The following KDM1B variants were observed in gnomAD, a reference collection of about 807,000 sequenced individuals.
The protein encoded by KDM1B is lysine-specific histone demethylase 2.
Under a neutral mutation model 107.4 loss-of-function variants are expected in KDM1B, and 63 were observed. The ratio of observed to expected loss-of-function variants is 0.59; its 90% CI spans 0.48 to 0.72. KDM1B has a LOEUF of 0.72. Among genes scored for constraint, KDM1B ranks in the 30% least tolerant of loss-of-function variants. The pLI is 0.00. For missense variants in KDM1B, 749 were observed against 1,020.8 expected (o/e 0.73, Z 3.63); for synonymous variants, 363 against 363.9 (o/e 1.00, Z 0.03).
At position 18,197,067 on chromosome 6, in the gene KDM1B, C is replaced by T. The variant is rs1398760591; in HGVS notation, c.980C>T (p.Thr327Ile). 1.2e-6 allele frequency: 2 copies of T among 1,605,450 alleles called. No individual in the cohort carries two copies. The highest frequency in any genetic ancestry group is 1.7e-6 in the Non-Finnish European group (2 of 1,174,086). Reference sequence around the variant, plus strand: ...TATTTCCAAACACAGGAAGCTCTTACTCCTCAGAAATGTATTCCTCACATC... The same window carrying T: ...TATTTCCAAACACAGGAAGCTCTTATTCCTCAGAAATGTATTCCTCACATC... ...LWYTNCKEALTPQKCIPHIIV... is the reference protein window; with the variant it reads ...LWYTNCKEALIPQKCIPHIIV... Residue 327 changes from threonine to isoleucine, a missense_variant, in exon 11 of 22, where the codon ACT (threonine) becomes ATT (isoleucine). Transcript: ENST00000650836. This position sits in a 1 kb window ranked among gnomAD's most constrained non-coding sequence, Gnocchi z 4.5.
chr6:18,178,249 AT>A (rs67711903), intron 7 of KDM1B, among the ~76,000 whole-genome samples: 25,632 of 151,110 alleles, frequency 0.17, 2,294 homozygotes, highest in African/African-American at 0.21. Context: ...CGCCCAGCTA[AT>A]TTTTTTTACA....
Position 18,222,603 on chromosome 6 carries a change from C to G in KDM1B, c.*611C>G, listed in dbSNP as rs1213604836. 1 of 164,988 alleles carries G rather than the reference C, an allele frequency of 6.1e-6. No individual in the cohort carries two copies. Among genetic ancestry groups the G allele is most frequent in the Non-Finnish European group, 1.3e-5 (1 of 76,156 alleles). The allele number at this position is 164,988 out of a possible 1,614,324, so 10.2% of individuals were successfully genotyped here. A position where few individuals can be genotyped will look rare whatever the true frequency, so the allele number is the denominator to read the frequency against. Reference sequence around the variant, plus strand: ...TGGGTGTTCAAAAGAAATTTAAATTCAAGTACCTTTTGTGATAAAATGTTT... The same window carrying G: ...TGGGTGTTCAAAAGAAATTTAAATTGAAGTACCTTTTGTGATAAAATGTTT... On this transcript the variant is annotated 3_prime_UTR_variant, in exon 22 of 22. Transcript: ENST00000650836.
At position 18,159,954 on chromosome 6, in the gene KDM1B, G is replaced by A. The variant is rs746651247; in HGVS notation, c.59G>A (p.Ser20Asn). 1 of 1,608,752 alleles carries A rather than the reference G, an allele frequency of 6.2e-7. No homozygotes were observed. The highest frequency in any genetic ancestry group is 1.7e-5 in the Admixed American group (1 of 58,992). The change falls in exon 3 of 22, where the codon AGC becomes AAC. Residue 20 changes from serine to asparagine, a missense_variant. Transcript: ENST00000650836. The surrounding 1 kb of genome is among the most constrained non-coding windows in gnomAD (Gnocchi z 4.5). ...KKASFDHSPD[S>N]LPLRSSGRQA... Reference sequence around the variant, plus strand: ...GCATCTTTTGATCATTCTCCGGATAGCCTTCCTTTGAGGAGCTCCGGTAGG... The same window carrying A: ...GCATCTTTTGATCATTCTCCGGATAACCTTCCTTTGAGGAGCTCCGGTAGG...
intron 9 of KDM1B, among the ~76,000 whole-genome samples, chr6:18,190,699 G>A (rs188066428): frequency 7.0e-4 from 106 of 152,222 alleles, no homozygotes; most frequent in African/African-American, 2.4e-3. Flanking sequence ...CCAGTACCTT[G>A]AAACCAGCTT....
chr6:18,194,653 TA>T (rs1447139222), intron 10 of KDM1B, among the ~76,000 whole-genome samples: 1 of 152,090 alleles, frequency 6.6e-6, no homozygotes, highest in African/African-American at 2.4e-5. Context: ...AAATTTACCA[TA>T]TTTTTTTCCT....
At position 18,188,017 on chromosome 6, in the gene KDM1B, T is replaced by C. The variant is rs772901707; in HGVS notation, c.784+15T>C. ...CTCCGTGCACGGTGAGAGCCATTCC[T>C]GGGACTCCCTGCTTTCTATTCCCCG... On this transcript the variant is annotated intron_variant, in intron 9 of 21. Coordinates refer to ENST00000650836, the MANE Select transcript of KDM1B (RefSeq NM_001364614.2). 1.4e-5 allele frequency: 21 copies of C among 1,545,256 alleles called. No individual in the cohort carries two copies. The African/African-American group carries it at 2.7e-4, about 20-fold the overall frequency.
rs1426591806 is a variant in KDM1B, at chr6:18,211,784, T to C, written c.1867-704T>C. ...TTTAGTTTTAAAGCATCACCCTGAT[T>C]CTCAGAGGTTAGTGGGGCAGATACT... On this transcript the variant is annotated intron_variant, in intron 17 of 21. Coordinates refer to ENST00000650836, the MANE Select transcript of KDM1B (RefSeq NM_001364614.2). The surrounding 1 kb of genome is among the most constrained non-coding windows in gnomAD (Gnocchi z 5.2). 2 of 152,190 alleles carry C rather than the reference T, an allele frequency of 1.3e-5. No homozygotes were observed. The highest frequency in any genetic ancestry group is 2.9e-5 in the Non-Finnish European group (2 of 68,060). 9.4% of individuals were successfully genotyped at this position (152,190 alleles called of 1,614,324 possible).
chr6:18,169,906 T>C (rs916633333), intron 6 of KDM1B, among the ~76,000 whole-genome samples: 91 of 151,580 alleles, frequency 6.0e-4, no homozygotes, highest in African/African-American at 2.2e-3. Context: ...CTTTTTAAAA[T>C]TATTTATTTA....
At chr6:18,173,731 G>A (rs563374030) in intron 7 of KDM1B, among the ~76,000 whole-genome samples, 12 of 152,010 alleles carry the variant, frequency 7.9e-5, no homozygotes, top group African/African-American at 2.7e-4. Flanking sequence ...GTTCATTACC[G>A]TTTGCTAAAA....
chr6:18,186,059 C>G lies in KDM1B; in HGVS notation c.573+249C>G, dbSNP rs1344536740. 6.6e-6 allele frequency among the ~76,000 whole-genome samples: 1 copy of G among 152,184 alleles called. No individual in the cohort carries two copies. The highest frequency in any genetic ancestry group is 1.5e-5 in the Non-Finnish European group (1 of 68,036). ...CATTAAAAGGAAACAAAGAGGAAGA[C>G]ACAGCTCTCCTGCCTTGCTCTAGGG... On this transcript the variant is annotated intron_variant, in intron 8 of 21. Coordinates refer to ENST00000650836, the MANE Select transcript of KDM1B (RefSeq NM_001364614.2). This position sits in a 1 kb window ranked among gnomAD's most constrained non-coding sequence, Gnocchi z 5.6.
At chr6:18,185,147 A>G (rs1786770573) in intron 7 of KDM1B, among the ~76,000 whole-genome samples, 1 of 152,216 alleles carries the variant, frequency 6.6e-6, no homozygotes, top group African/African-American at 2.4e-5. Flanking sequence ...GAATTGCTGG[A>G]TGTGTCATAC....
intron 10 of KDM1B, among the ~76,000 whole-genome samples, chr6:18,196,685 T>C (rs1435510016): frequency 6.6e-6 from 1 of 152,236 alleles, no homozygotes; most frequent in African/African-American, 2.4e-5. Flanking sequence ...ATACAGACTT[T>C]CCTTGTCATT....
chr6:18,208,748 C>T (rs1274937102), intron 17 of KDM1B, among the ~76,000 whole-genome samples: 2 of 141,214 alleles, frequency 1.4e-5, no homozygotes, highest in African/African-American at 2.6e-5. Context: ...GGGTTCACGC[C>T]ATTCTCCTGC....
Position 18,159,928 on chromosome 6 carries a change from A to C in KDM1B, c.33A>C (p.Lys11Asn). MATPRGRTKK[K>N]ASFDHSPDSL... ...CTCCACGGGGGAGGACAAAGAAAAA[A>C]GCATCTTTTGATCATTCTCCGGATA... Residue 11 changes from lysine (K) to asparagine (N), a missense_variant, in exon 3 of 22, where the codon AAA (lysine) becomes AAC (asparagine). By Grantham distance (94) the Lys-to-Asn change is moderately conservative. Coordinates refer to ENST00000650836, the MANE Select transcript of KDM1B (RefSeq NM_001364614.2). This position sits in a 1 kb window ranked among gnomAD's most constrained non-coding sequence, Gnocchi z 4.5. The C allele has an allele frequency of 6.2e-7, 1 of 1,610,950 alleles. No individual in the cohort carries two copies. The highest frequency in any genetic ancestry group is 8.5e-7 in the Non-Finnish European group (1 of 1,178,902).
Position 18,213,619 on chromosome 6 carries a change from C to T in KDM1B, c.1984-37C>T. On this transcript the variant is annotated intron_variant, in intron 18 of 21. Coordinates refer to ENST00000650836, the MANE Select transcript of KDM1B (RefSeq NM_001364614.2). The surrounding 1 kb of genome is among the most constrained non-coding windows in gnomAD (Gnocchi z 5.9). ...GATATTGCCTGTGGTTTTGTGACGACAGACACCTAACCACCTTTCTTCTGC... is the reference window on the plus strand; with the variant it reads ...GATATTGCCTGTGGTTTTGTGACGATAGACACCTAACCACCTTTCTTCTGC... 6.2e-7 allele frequency: 1 copy of T among 1,611,592 alleles called. No individual in the cohort carries two copies. Among genetic ancestry groups the T allele is most frequent in the Non-Finnish European group, 8.5e-7 (1 of 1,177,990 alleles).
At position 18,209,512 on chromosome 6, in the gene KDM1B, C is replaced by T. The variant is rs916094303; in HGVS notation, c.1866+1306C>T. On this transcript the variant is annotated intron_variant, in intron 17 of 21. Coordinates refer to ENST00000650836, the MANE Select transcript of KDM1B (RefSeq NM_001364614.2). This position sits in a 1 kb window ranked among gnomAD's most constrained non-coding sequence, Gnocchi z 4.3. ...CAACTCGGAGATCTTGGGCAGCAAT[C>T]CCCGGGCTGCACGTCGGAACCACCT... 6.6e-6 allele frequency among the ~76,000 whole-genome samples: 1 copy of T among 152,202 alleles called. No homozygotes were observed. Among genetic ancestry groups the T allele is most frequent in the Non-Finnish European group, 1.5e-5 (1 of 68,034 alleles).
chr6:18,180,947 A>G (rs987197131), intron 7 of KDM1B, among the ~76,000 whole-genome samples: 2 of 152,188 alleles, frequency 1.3e-5, no homozygotes, highest in African/African-American at 4.8e-5. Context: ...CCTCTCTTTT[A>G]CTTGCTGACA....
chr6:18,164,036 G>A (rs1288329818), intron 5 of KDM1B, among the ~76,000 whole-genome samples: 2 of 152,164 alleles, frequency 1.3e-5, no homozygotes, highest in African/African-American at 4.8e-5. Context: ...TAAGAAAAGT[G>A]TCTTAAAGTC....
At chr6:18,185,063 C>T (rs957719664) in intron 7 of KDM1B, among the ~76,000 whole-genome samples, 4 of 151,922 alleles carry the variant, frequency 2.6e-5, no homozygotes, top group Admixed American at 6.6e-5. Context: ...AAATAATGCT[C>T]CTTTGAACAT....
Sources: allele counts gnomAD v4.1 joint callset (sites outside exome capture counted in the v4.1 genomes callset), GRCh38; gene constraint gnomAD v4.1.1; non-coding constraint Gnocchi (gnomAD v3.1); transcripts MANE v1.5; gene names NCBI Gene and HGNC (gene_info 2026-07-23, HGNC 2026-07-21).